The following KCNH5 variants were observed in gnomAD, a reference collection of about 807,000 sequenced individuals.
KCNH5 encodes potassium voltage-gated channel subfamily H member 5.
In KCNH5, 46 loss-of-function variants were observed where a neutral mutation model predicts 96.1. The observed-to-expected ratio is 0.48, with a 90% CI of 0.38 to 0.61. The LOEUF (loss-of-function observed/expected upper bound fraction) is 0.61. KCNH5 is among the 20% of genes least tolerant of loss of function. KCNH5 has a pLI of 0.00. For missense variants in KCNH5, 907 were observed against 1,225.8 expected, an observed-to-expected ratio of 0.74 and a Z score of 3.88; for synonymous variants, 439 against 449.8, an observed-to-expected ratio of 0.98 and a Z score of 0.30.
At chr14:62,973,649 CT>C (rs1335817116) in intron 6 of KCNH5, among the ~76,000 whole-genome samples, 1 of 152,100 alleles carries the variant, frequency 6.6e-6, no homozygotes, top group Non-Finnish European at 1.5e-5. Context: ...ATGACCCAAC[CT>C]GTGGTATTTT....
chr14:62,835,090 C>A (rs1268154072), intron 8 of KCNH5, among the ~76,000 whole-genome samples: 1 of 151,942 alleles, frequency 6.6e-6, no homozygotes, highest in Non-Finnish European at 1.5e-5. Context: ...GTGTTTATTT[C>A]TTTCAGTAGA....
In KCNH5 at chr14:62,910,702, C is replaced by T. The variant is rs182913457; in HGVS notation, c.1369+39431G>A. 7.9e-5 allele frequency among the ~76,000 whole-genome samples: 12 copies of T among 152,240 alleles called. No homozygotes were observed. In the East Asian group the frequency reaches 1.4e-3, roughly 17 times the overall value. Reference sequence around the variant, plus strand: ...ACAAAATGTTTCTCCCTCTCTCTCACGACTCTAACCATGCTGGGCTCTGTA... The same window carrying T: ...ACAAAATGTTTCTCCCTCTCTCTCATGACTCTAACCATGCTGGGCTCTGTA... On this transcript the variant is annotated intron_variant, in intron 7 of 10. Transcript: ENST00000322893.
chr14:62,712,028 G>T (rs1884581535), intron 10 of KCNH5, among the ~76,000 whole-genome samples: 1 of 152,152 alleles, frequency 6.6e-6, no homozygotes, highest in Non-Finnish European at 1.5e-5. Flanking sequence ...AGCAGGGCCT[G>T]CTGACAATCT....
intron 10 of KCNH5, among the ~76,000 whole-genome samples, chr14:62,777,913 T>C (rs1382361244): frequency 6.6e-6 from 1 of 152,092 alleles, no homozygotes; most frequent in Non-Finnish European, 1.5e-5. Flanking sequence ...GTTCTACTGG[T>C]GATCTGTTTC....
intron 10 of KCNH5, among the ~76,000 whole-genome samples, chr14:62,767,559 A>T (rs1566653985): frequency 6.6e-6 from 1 of 152,242 alleles, no homozygotes; most frequent in Non-Finnish European, 1.5e-5. Flanking sequence ...GCCCTAAGTG[A>T]ATTAACGCAG....
chr14:63,006,677 A>G (rs776282623), intron 2 of KCNH5, among the ~76,000 whole-genome samples: 1 of 152,228 alleles, frequency 6.6e-6, no homozygotes, highest in Non-Finnish European at 1.5e-5. Context: ...GTTTAGTTAA[A>G]TAACACCAGT....
intron 10 of KCNH5, among the ~76,000 whole-genome samples, chr14:62,737,212 C>T (rs1885177019): frequency 6.6e-6 from 1 of 152,158 alleles, no homozygotes; most frequent in African/African-American, 2.4e-5. Context: ...TTCTCCCAAA[C>T]ACAAATTTAA....
At chr14:63,020,145 G>A (rs1317292901) in intron 1 of KCNH5, among the ~76,000 whole-genome samples, 1 of 152,076 alleles carries the variant, frequency 6.6e-6, no homozygotes, top group Non-Finnish European at 1.5e-5. Flanking sequence ...AATTACTAGA[G>A]TAGTTTTAAA....
At chr14:62,823,575 C>A (rs1028960381) in intron 8 of KCNH5, among the ~76,000 whole-genome samples, 1 of 152,064 alleles carries the variant, frequency 6.6e-6, no homozygotes, top group African/African-American at 2.4e-5. Context: ...CCACACTATC[C>A]ATTTAACCCC....
chr14:62,977,171 G>A (rs888222638), intron 6 of KCNH5, among the ~76,000 whole-genome samples: 1 of 152,094 alleles, frequency 6.6e-6, no homozygotes, highest in Non-Finnish European at 1.5e-5. Context: ...AGGAGTTCAA[G>A]ACCAGACTGG....
chr14:62,986,962 A>G, intron 5 of KCNH5, 110 bp downstream of exon 5: 1 of 698,928 alleles, frequency 1.4e-6, no homozygotes, highest in South Asian at 1.8e-5. Flanking sequence ...ATAAATTATC[A>G]GCTAAGTATT....
intron 7 of KCNH5, among the ~76,000 whole-genome samples, chr14:62,892,006 C>T (rs950209340): frequency 6.6e-6 from 1 of 152,154 alleles, no homozygotes; most frequent in African/African-American, 2.4e-5. Flanking sequence ...CAGTTAATCA[C>T]TCTACAATGG....
chr14:63,001,580 A>C (rs41285468), intron 3 of KCNH5, 121 bp from the exon 4 acceptor site: 69,454 of 817,068 alleles, frequency 0.085, 3,470 homozygotes, highest in Admixed American at 0.15. Context: ...TCAACACCAA[A>C]ACAACAGTAT....
intron 7 of KCNH5, among the ~76,000 whole-genome samples, chr14:62,908,298 T>C (rs1056275765): frequency 3.9e-5 from 6 of 152,168 alleles, no homozygotes; most frequent in Non-Finnish European, 7.3e-5. Flanking sequence ...ACGGGTTTGT[T>C]AGTTGTCAGG....
At chr14:62,782,996 G>A (rs574614602) in intron 9 of KCNH5, among the ~76,000 whole-genome samples, 84 of 152,084 alleles carry the variant, frequency 5.5e-4, no homozygotes, top group Non-Finnish European at 9.1e-4. Flanking sequence ...TTATAAAAAT[G>A]CTCACTGAAG....
intron 8 of KCNH5, among the ~76,000 whole-genome samples, chr14:62,825,835 T>A (rs1381107100): frequency 6.6e-6 from 1 of 152,064 alleles, no homozygotes; most frequent in Non-Finnish European, 1.5e-5. Flanking sequence ...CTTCCCTTAC[T>A]TCCTCCCTCC....
intron 5 of KCNH5, among the ~76,000 whole-genome samples, chr14:62,981,983 T>C (rs12164892): frequency 0.026 from 3,930 of 152,190 alleles, 119 homozygotes; most frequent in East Asian, 0.16. Flanking sequence ...AAAACAAAGA[T>C]AGAAAGCAGA....
intron 6 of KCNH5, among the ~76,000 whole-genome samples, chr14:62,962,040 T>C (rs984086290): frequency 5.3e-5 from 8 of 149,814 alleles, no homozygotes; most frequent in African/African-American, 7.4e-5. Context: ...CAGATGCAGA[T>C]GGAGACGGAG....
chr14:62,829,936 C>T (rs1198079451), intron 8 of KCNH5, among the ~76,000 whole-genome samples: 3 of 152,158 alleles, frequency 2.0e-5, no homozygotes, highest in Admixed American at 6.5e-5. Flanking sequence ...TCTTCATGAA[C>T]GGATATTACT....
Sources: allele counts gnomAD v4.1 joint callset (sites outside exome capture counted in the v4.1 genomes callset), GRCh38; gene constraint gnomAD v4.1.1; transcripts MANE v1.5; gene names NCBI Gene and HGNC (gene_info 2026-07-23, HGNC 2026-07-21).